AGTPBP1: variants seen among roughly 807,000 people sequenced by gnomAD.
AGTPBP1 encodes the protein ATP/GTP binding carboxypeptidase 1.
A neutral mutation model predicts 143.9 loss-of-function variants in AGTPBP1; 70 were observed. The ratio of observed to expected loss-of-function variants is 0.49; its 90% CI spans 0.40 to 0.59. The LOEUF (loss-of-function observed/expected upper bound fraction) is 0.59. Among genes scored for constraint, AGTPBP1 ranks in the 20% least tolerant of loss-of-function variants. The pLI is 0.00. For synonymous variants in AGTPBP1, 463 were observed against 500.2 expected, an observed-to-expected ratio of 0.93 and a Z score of 0.99; for missense variants, 1,229 against 1,464.5, an observed-to-expected ratio of 0.84 and a Z score of 2.62.
At chr9:85,618,917 A>G (rs1830749321) in intron 17 of AGTPBP1, 66 bp downstream of exon 17, 2 of 1,489,646 alleles carry the variant, frequency 1.3e-6, no homozygotes, top group Non-Finnish European at 1.8e-6. Flanking sequence ...ATTTTTTTAA[A>G]AAAACTTCTT....
chr9:85,681,965 G>A (rs1166355599), intron 3 of AGTPBP1, among the ~76,000 whole-genome samples: 1 of 151,300 alleles, frequency 6.6e-6, no homozygotes, highest in Non-Finnish European at 1.5e-5. Flanking sequence ...GGTCAGGCAG[G>A]TCTTGAACTC....
At chr9:85,719,303 G>T (rs2134585990) in intron 1 of AGTPBP1, among the ~76,000 whole-genome samples, 1 of 152,308 alleles carries the variant, frequency 6.6e-6, no homozygotes, top group South Asian at 2.1e-4. Context: ...CATAAGCATG[G>T]AATGTTCTTC....
chr9:85,752,945 C>CT, the AGTPBP1 span, among the ~76,000 whole-genome samples: 11 of 151,876 alleles, frequency 7.2e-5, no homozygotes, highest in African/African-American at 2.7e-4. Flanking sequence ...AGCCCAGGAG[C>CT]CTGAGCTTAC....
chr9:85,755,918 T>C, the AGTPBP1 span: 2 of 522,028 alleles, frequency 3.8e-6, no homozygotes, highest in African/African-American at 4.0e-5. Context: ...GAACCACTGA[T>C]GTCTTTAGGA....
intron 9 of AGTPBP1, 100 bp from the exon 10 acceptor site, chr9:85,657,743 C>T (rs1427275558): frequency 9.8e-6 from 7 of 711,474 alleles, no homozygotes; most frequent in Non-Finnish European, 1.5e-5. Flanking sequence ...GTGATGGATA[C>T]TTATAATTCT....
chr9:85,635,719 G>A (rs529217824), intron 13 of AGTPBP1, among the ~76,000 whole-genome samples: 2 of 151,860 alleles, frequency 1.3e-5, no homozygotes, highest in African/African-American at 4.8e-5. Flanking sequence ...AGGCGATGAA[G>A]GACAGGAGAA....
chr9:85,617,405 A>G (rs1830657007), intron 17 of AGTPBP1, among the ~76,000 whole-genome samples: 1 of 152,190 alleles, frequency 6.6e-6, no homozygotes, highest in South Asian at 2.1e-4. Context: ...TTACACAATA[A>G]GATTGCCATT....
the AGTPBP1 span, among the ~76,000 whole-genome samples, chr9:85,754,131 A>G: frequency 6.6e-5 from 10 of 152,224 alleles, no homozygotes; most frequent in African/African-American, 2.4e-4. Context: ...TGAATGTTGT[A>G]GAATATAAAC....
the AGTPBP1 span, chr9:85,764,719 A>C: frequency 8.3e-7 from 1 of 1,211,868 alleles, no homozygotes; most frequent in Non-Finnish European, 1.2e-6. Flanking sequence ...CCTTAAACAC[A>C]GATAGTTTGA....
intron 13 of AGTPBP1, among the ~76,000 whole-genome samples, chr9:85,638,647 A>G (rs1165010873): frequency 6.6e-6 from 1 of 152,006 alleles, no homozygotes; most frequent in East Asian, 1.9e-4. Flanking sequence ...ATATAAGTAT[A>G]TTAATATTTT....
rs150082252 is a variant in AGTPBP1, at chr9:85,733,970, C to T, written c.-34+7805G>A. Reference sequence around the variant, plus strand: ...TAATCAGTAATTAAAAACCTCCTTACAGGCTGGGCACGGTGGCTCACGCCT... The same window carrying T: ...TAATCAGTAATTAAAAACCTCCTTATAGGCTGGGCACGGTGGCTCACGCCT... On this transcript the variant is annotated intron_variant, in intron 1 of 25. Transcript: ENST00000357081. Among the ~76,000 whole-genome samples, 216 of 152,272 alleles carry T rather than the reference C, an allele frequency of 1.4e-3. 3 individuals are homozygous for T. In the East Asian group the frequency reaches 0.037, roughly 26 times the overall value.
intron 25 of AGTPBP1, among the ~76,000 whole-genome samples, chr9:85,563,492 T>C (rs750465465): frequency 2.0e-5 from 3 of 152,212 alleles, no homozygotes; most frequent in Non-Finnish European, 4.4e-5. Flanking sequence ...CTAAGCAAAC[T>C]GTTGAAGGTA....
intron 17 of AGTPBP1, 23 bp from the exon 18 acceptor site, chr9:85,596,472 G>T (rs41282441): frequency 1.0e-5 from 15 of 1,461,554 alleles, no homozygotes; most frequent in Non-Finnish European, 1.3e-5. Context: ...GAAAAAAAGA[G>T]AGAAAATTAT....
At position 85,619,262 on chromosome 9, in the gene AGTPBP1, G is replaced by C; in HGVS notation, c.2139C>G (p.Asn713Lys). Reference protein sequence around the residue: ...IPEEGDILKFNSKFESGNLRK... With the variant: ...IPEEGDILKFKSKFESGNLRK... ...GCAGATTCCCAGACTCAAATTTGGA[G>C]TTAAATTTCAAAATATCTCCCTCTT... The change falls in exon 16 of 26, where the codon AAC (asparagine) becomes AAG (lysine). Residue 713 changes from asparagine (N) to lysine (K), a missense_variant. Physicochemically the swap from Asn to Lys is moderately conservative, Grantham distance 94. Around this residue, in one of 2 missense-constraint regions of AGTPBP1, gnomAD observed 486 missense variants for 652.3 expected, o/e 0.75. Coordinates refer to ENST00000357081, the MANE Select transcript of AGTPBP1 (RefSeq NM_001330701.2). The C allele has an allele frequency of 5.0e-6, 8 of 1,613,056 alleles. No individual in the cohort carries two copies. Among genetic ancestry groups the C allele is most frequent in the Non-Finnish European group, 6.8e-6 (8 of 1,179,526 alleles).
At chr9:85,671,563 C>T (rs552313377) in intron 7 of AGTPBP1, among the ~76,000 whole-genome samples, 44 of 152,044 alleles carry the variant, frequency 2.9e-4, no homozygotes, top group African/African-American at 8.0e-4. Context: ...TATGTATATA[C>T]GCAATATACA....
chr9:85,772,563 A>G, the AGTPBP1 span, among the ~76,000 whole-genome samples: 1 of 152,178 alleles, frequency 6.6e-6, no homozygotes, highest in African/African-American at 2.4e-5. Flanking sequence ...CTTGGGCAAC[A>G]TAGTGAGACC....
Position 85,578,910 on chromosome 9 carries a change from G to A in AGTPBP1, c.3342+10C>T, listed in dbSNP as rs1828064110. The A allele has an allele frequency of 1.9e-6, 3 of 1,609,610 alleles. No individual in the cohort carries two copies. The highest frequency in any genetic ancestry group is 2.5e-6 in the Non-Finnish European group (3 of 1,178,564). On this transcript the variant is annotated intron_variant, in intron 24 of 25. Transcript: ENST00000357081. Reference sequence around the variant, plus strand: ...TATCTTTCATGGTTAGAAAACCTAAGATGTTTTACCTTGTATTTTCCCTGA... The same window carrying A: ...TATCTTTCATGGTTAGAAAACCTAAAATGTTTTACCTTGTATTTTCCCTGA...
the AGTPBP1 span, among the ~76,000 whole-genome samples, chr9:85,791,043 C>G: frequency 2.6e-5 from 4 of 152,014 alleles, no homozygotes; most frequent in Non-Finnish European, 4.4e-5. Context: ...ATATATAAAG[C>G]AAGGTATAAT....
chr9:85,776,986 C>T, the AGTPBP1 span, among the ~76,000 whole-genome samples: 9 of 152,160 alleles, frequency 5.9e-5, no homozygotes, highest in Non-Finnish European at 7.4e-5. Flanking sequence ...TTGTCCCAGT[C>T]CTGCAAAGTA....
Sources: gnomAD v4.1 joint callset for allele counts (sites outside exome capture counted in the v4.1 genomes callset) on GRCh38, gnomAD v4.1.1 for gene constraint, gnomAD v4.1.1 regional missense constraint, MANE v1.5 for transcripts, NCBI Gene and HGNC (gene_info 2026-07-23, HGNC 2026-07-21) for gene names.